Variants in LRP6 observed in about 807,000 individuals in gnomAD.
LRP6 encodes low-density lipoprotein receptor-related protein 6.
Under a neutral mutation model 184.1 loss-of-function variants are expected in LRP6, and 43 were observed. The observed-to-expected ratio is 0.23, with a 90% CI of 0.18 to 0.30. The LOEUF (loss-of-function observed/expected upper bound fraction) is 0.30, where lower values mean the gene tolerates loss of function less well. LRP6 is among the 10% of genes least tolerant of loss of function. LRP6 has a pLI of 1.00. For missense variants in LRP6, 1,571 were observed against 2,005.3 expected, an observed-to-expected ratio of 0.78 and a Z score of 4.14; for synonymous variants, 719 against 684.9, an observed-to-expected ratio of 1.05 and a Z score of -0.78.
intron 3 of LRP6, among the ~76,000 whole-genome samples, chr12:12,195,521 A>AT (rs778906026): frequency 2.5e-4 from 38 of 151,820 alleles, no homozygotes; most frequent in Non-Finnish European, 5.2e-4. Context: ...TATTCGGATC[A>AT]TTTCCCCATT....
At chr12:12,207,185 G>A (rs1393494583) in intron 2 of LRP6, among the ~76,000 whole-genome samples, 1 of 152,180 alleles carries the variant, frequency 6.6e-6, no homozygotes, top group African/African-American at 2.4e-5. Flanking sequence ...ACCTTATTTG[G>A]AACGAGGCAT....
chr12:12,207,500 C>G (rs894492105), intron 2 of LRP6, among the ~76,000 whole-genome samples: 1 of 152,016 alleles, frequency 6.6e-6, no homozygotes, highest in Non-Finnish European at 1.5e-5. Context: ...CACCACCGCA[C>G]TTTTGAGATT....
rs572144642 is a variant in LRP6 at position 12,118,335 on chromosome 12, A to G, written c.*2791T>C. ...GCCTTAGTTATAAAAGACCACTTCA[A>G]TGCAGAATAGCTTACTGTGGTGCAC... On this transcript the variant is annotated 3_prime_UTR_variant, in exon 23 of 23. Transcript: ENST00000261349. 1 of 152,354 alleles carries G rather than the reference A, an allele frequency of 6.6e-6. No homozygotes were observed. The highest frequency in any genetic ancestry group is 2.1e-4 in the South Asian group (1 of 4,828). The allele number at this position is 152,354 out of a possible 1,614,324, so 9.4% of individuals were successfully genotyped here.
chr12:12,153,482 G>A (rs1352217675), intron 12 of LRP6, among the ~76,000 whole-genome samples: 2 of 152,110 alleles, frequency 1.3e-5, no homozygotes, highest in Non-Finnish European at 2.9e-5. Context: ...ACAATTAGTT[G>A]TGGATCTTGT....
chr12:12,175,936 T>G (rs1863171194), intron 7 of LRP6, among the ~76,000 whole-genome samples: 1 of 151,808 alleles, frequency 6.6e-6, no homozygotes, highest in South Asian at 2.1e-4. Context: ...GCTTTAAACC[T>G]ATAAATTATC....
chr12:12,143,274 A>G (rs1365445703), intron 15 of LRP6, among the ~76,000 whole-genome samples: 1 of 152,210 alleles, frequency 6.6e-6, no homozygotes. Flanking sequence ...AGATCTAAAT[A>G]AACAGGGAGA....
At chr12:12,134,989 A>T (rs1949812946) in intron 17 of LRP6, among the ~76,000 whole-genome samples, 186 bp downstream of exon 17, 1 of 152,244 alleles carries the variant, frequency 6.6e-6, no homozygotes, top group Non-Finnish European at 1.5e-5. Context: ...AATGATGATT[A>T]TGAGGCTGGG....
intron 2 of LRP6, among the ~76,000 whole-genome samples, chr12:12,225,885 A>AG (rs1026001082): frequency 6.6e-6 from 1 of 151,868 alleles, no homozygotes; most frequent in Non-Finnish European, 1.5e-5. Context: ...AAAAAAAAAA[A>AG]AGAGAGAGAC....
intron 3 of LRP6, among the ~76,000 whole-genome samples, chr12:12,196,347 G>A (rs901907361): frequency 1.3e-5 from 2 of 151,748 alleles, no homozygotes; most frequent in African/African-American, 2.4e-5. Flanking sequence ...TTTTCCATTT[G>A]TATGTATCCC....
chr12:12,164,953 A>AAAAAAAAAAAAAAAC, intron 8 of LRP6, 126 bp downstream of exon 8: 2 of 524,886 alleles, frequency 3.8e-6, no homozygotes, highest in Admixed American at 3.5e-5. Flanking sequence ...AAAAAAAAAA[A>AAAAAAAAAAAAAAAC]AAGGCGGGGG....
intron 7 of LRP6, among the ~76,000 whole-genome samples, chr12:12,168,152 A>T (rs1387065291): frequency 6.6e-6 from 1 of 152,224 alleles, no homozygotes; most frequent in African/African-American, 2.4e-5. Context: ...TAGTAAAGAC[A>T]TCTAGTAAAT....
chr12:12,231,682 G>A (rs1323365722), intron 2 of LRP6, among the ~76,000 whole-genome samples: 2 of 147,250 alleles, frequency 1.4e-5, no homozygotes, highest in African/African-American at 5.0e-5. Context: ...CCAGGAAACG[G>A]TTTTTTTTTT....
At chr12:12,192,786 A>G (rs1863651204) in intron 3 of LRP6, among the ~76,000 whole-genome samples, 1 of 152,046 alleles carries the variant, frequency 6.6e-6, no homozygotes, top group Non-Finnish European at 1.5e-5. Context: ...GTTCAATAAT[A>G]TAGTTGGAGA....
At chr12:12,149,289 G>GAT in intron 13 of LRP6, 136 bp from the exon 14 acceptor site, 1 of 736,550 alleles carries the variant, frequency 1.4e-6, no homozygotes, top group South Asian at 1.5e-5. Context: ...ATTTCTTACT[G>GAT]ATACCTTTTT....
At chr12:12,221,439 G>GAC (rs140156542) in intron 2 of LRP6, among the ~76,000 whole-genome samples, 9 of 151,830 alleles carry the variant, frequency 5.9e-5, no homozygotes, top group Non-Finnish European at 1.3e-4. Flanking sequence ...TTCCCTCTCT[G>GAC]ACACACACAC....
intron 22 of LRP6, among the ~76,000 whole-genome samples, chr12:12,124,099 T>C (rs992312594): frequency 2.7e-5 from 4 of 147,782 alleles, no homozygotes; most frequent in African/African-American, 1.0e-4. Flanking sequence ...ATAGGCCAGG[T>C]GTGGTGGCTC....
chr12:12,224,497 A>G (rs1864565007), intron 2 of LRP6, among the ~76,000 whole-genome samples: 1 of 152,074 alleles, frequency 6.6e-6, no homozygotes, highest in African/African-American at 2.4e-5. Flanking sequence ...TTGTCTGCTC[A>G]TGATTAGGCT....
At chr12:12,164,919 TAAAAAAAA>T (rs58540250) in intron 8 of LRP6, among the ~76,000 whole-genome samples, 152 bp downstream of exon 8, 38 of 57,090 alleles carry the variant, frequency 6.7e-4, no homozygotes, top group African/African-American at 1.1e-3. Context: ...CCCTTCTCAG[TAAAAAAAA>T]AAAAAAAAAA....
At chr12:12,156,879 G>A (rs1862593997) in intron 12 of LRP6, among the ~76,000 whole-genome samples, 1 of 152,194 alleles carries the variant, frequency 6.6e-6, no homozygotes, top group Non-Finnish European at 1.5e-5. Context: ...CTCTCCATCA[G>A]AGTTAGCCCA....
Sources: allele counts gnomAD v4.1 joint callset (sites outside exome capture counted in the v4.1 genomes callset), GRCh38; gene constraint gnomAD v4.1.1; transcripts MANE v1.5; gene names NCBI Gene and HGNC (gene_info 2026-07-23, HGNC 2026-07-21).